ANKFN1: variants seen among roughly 807,000 people sequenced by gnomAD.
The protein encoded by ANKFN1 is ankyrin repeat and fibronectin type III domain containing 1.
ANKFN1 carries 74 observed loss-of-function variants against 108.7 expected under a neutral mutation model. That is an observed-to-expected ratio of 0.68 (90% CI 0.56 to 0.83). ANKFN1 has a LOEUF of 0.83. Ranked by LOEUF, ANKFN1 falls within the 40% of genes least tolerant of loss-of-function variation. ANKFN1 has a pLI of 0.00. For missense variants in ANKFN1, 1,505 were observed against 1,382.3 expected, an observed-to-expected ratio of 1.09 and a Z score of -1.41; for synonymous variants, 547 against 516.2, an observed-to-expected ratio of 1.06 and a Z score of -0.81.
At position 56,511,945 on chromosome 17, in the gene ANKFN1, TTC is replaced by T. The variant is rs747958027; in HGVS notation, c.*680_*681del. ...GACCACCAGAAACAAAAGTGGAGAA[TTC>T]TCTTTCAGCTCTACCTTGCAAAGAT... On this transcript the variant is annotated 3_prime_UTR_variant, in exon 21 of 21. Transcript: ENST00000682825. 8.5e-5 allele frequency among the ~76,000 whole-genome samples: 13 copies of T among 152,166 alleles called. No individual in the cohort carries two copies. Among genetic ancestry groups the T allele is most frequent in the Non-Finnish European group, 1.6e-4 (11 of 68,034 alleles).
intron 8 of ANKFN1, among the ~76,000 whole-genome samples, chr17:56,411,403 A>C (rs533927592): frequency 1.8e-4 from 27 of 152,132 alleles, no homozygotes; most frequent in Non-Finnish European, 2.9e-4. Context: ...GGACTATTTA[A>C]GATTTTCTAT....
chr17:56,181,310 T>A (rs778401186), intron 1 of ANKFN1, among the ~76,000 whole-genome samples: 4 of 152,146 alleles, frequency 2.6e-5, no homozygotes, highest in East Asian at 3.8e-4. Flanking sequence ...AAAGCTTTTT[T>A]AAAAAAAGTA....
chr17:56,363,829 A>G (rs1468359616), intron 6 of ANKFN1, among the ~76,000 whole-genome samples: 1 of 152,184 alleles, frequency 6.6e-6, no homozygotes. Context: ...CCATGCACAG[A>G]AAGACAAATG....
At chr17:56,475,536 T>A (rs2050468856) in intron 15 of ANKFN1, among the ~76,000 whole-genome samples, 1 of 152,210 alleles carries the variant, frequency 6.6e-6, no homozygotes, top group Non-Finnish European at 1.5e-5. Context: ...GACATTTCAA[T>A]GTTTGTTTTC....
intron 4 of ANKFN1, among the ~76,000 whole-genome samples, chr17:56,146,209 C>T (rs1908252449): frequency 6.6e-6 from 1 of 152,194 alleles, no homozygotes; most frequent in African/African-American, 2.4e-5. Context: ...GACAGCTCTA[C>T]CCTGTGGCTT....
intron 8 of ANKFN1, among the ~76,000 whole-genome samples, chr17:56,406,644 C>T (rs1334440436): frequency 6.6e-6 from 1 of 152,118 alleles, no homozygotes; most frequent in Non-Finnish European, 1.5e-5. Context: ...GAAAAATACA[C>T]ACATTATCCA....
chr17:56,212,235 G>T (rs1200357339), intron 1 of ANKFN1, among the ~76,000 whole-genome samples: 1 of 151,846 alleles, frequency 6.6e-6, no homozygotes, highest in Admixed American at 6.6e-5. Flanking sequence ...TTTGCTGAGG[G>T]TTTTAATTAT....
chr17:56,079,269 A>C (rs1310605005), intron 4 of ANKFN1, among the ~76,000 whole-genome samples: 3 of 152,202 alleles, frequency 2.0e-5, no homozygotes, highest in Middle Eastern at 3.2e-3. Flanking sequence ...ATAGCATCAG[A>C]AAGCACTCCC....
At chr17:56,494,702 G>A (rs1046323288) in intron 19 of ANKFN1, among the ~76,000 whole-genome samples, 1 of 152,076 alleles carries the variant, frequency 6.6e-6, no homozygotes, top group Non-Finnish European at 1.5e-5. Context: ...GAAAGAACTG[G>A]ACTAGATGAC....
At chr17:56,447,464 T>C (rs1324765851) in intron 10 of ANKFN1, among the ~76,000 whole-genome samples, 1 of 152,154 alleles carries the variant, frequency 6.6e-6, no homozygotes, top group East Asian at 1.9e-4. Context: ...GTATATGAAA[T>C]GAGCAATATA....
rs117174366 is a variant in ANKFN1, at chr17:56,287,157, C to T, written c.54-39064C>T. Among the ~76,000 whole-genome samples, 12 of 152,172 alleles carry T rather than the reference C, an allele frequency of 7.9e-5. No individual in the cohort carries two copies. In the East Asian group the frequency reaches 1.5e-3, roughly 20 times the overall value. Reference sequence around the variant, plus strand: ...ATTTTACAGGTGAGAAAGGACATACCGAGAGGTAAATAATTTACTCAAAGT... The same window carrying T: ...ATTTTACAGGTGAGAAAGGACATACTGAGAGGTAAATAATTTACTCAAAGT... On this transcript the variant is annotated intron_variant, in intron 3 of 20. Transcript: ENST00000682825.
chr17:56,284,444 C>T (rs991765248), intron 3 of ANKFN1, among the ~76,000 whole-genome samples: 1 of 152,004 alleles, frequency 6.6e-6, no homozygotes, highest in African/African-American at 2.4e-5. Flanking sequence ...CATAGTCAAT[C>T]TTCTTAAGTG....
intron 1 of ANKFN1, among the ~76,000 whole-genome samples, chr17:56,197,965 G>A (rs549956392): frequency 2.6e-5 from 4 of 152,250 alleles, no homozygotes; most frequent in South Asian, 4.1e-4. Flanking sequence ...AACCATGATC[G>A]TGCCACTGCA....
In ANKFN1 at chr17:56,100,820, G is replaced by A. The variant is rs181894495; in HGVS notation, c.288+54495G>A. Among the ~76,000 whole-genome samples, 661 of 152,208 alleles carry A rather than the reference G, an allele frequency of 4.3e-3. 5 individuals carry two copies. Among genetic ancestry groups the A allele is most frequent in the Middle Eastern group, 0.024 (7 of 294 alleles). ...AGGATGTAGTGAATTTGTCCTTTGGGGTTCCCCCAAACTTCACCTGTAGTT... is the reference window on the plus strand; with the variant it reads ...AGGATGTAGTGAATTTGTCCTTTGGAGTTCCCCCAAACTTCACCTGTAGTT... On this transcript the variant is annotated intron_variant, in intron 4 of 12. Transcript: ENST00000635860.
chr17:56,466,654 C>T, intron 15 of ANKFN1, 83 bp downstream of exon 15: 1 of 1,205,016 alleles, frequency 8.3e-7, no homozygotes, highest in Non-Finnish European at 1.2e-6. Flanking sequence ...ATTGCAAGAG[C>T]CATTTACATA....
Position 56,496,211 on chromosome 17 carries a change from C to T in ANKFN1, c.2428-2671C>T, listed in dbSNP as rs546091904. On this transcript the variant is annotated intron_variant, in intron 19 of 20. Coordinates refer to ENST00000682825, the MANE Select transcript of ANKFN1 (RefSeq NM_001370326.1). Reference sequence around the variant, plus strand: ...TTTTTCTTCAGTTAAGACCTCTTCACGTCACTGAGAAAAATTAAGAAGTAA... The same window carrying T: ...TTTTTCTTCAGTTAAGACCTCTTCATGTCACTGAGAAAAATTAAGAAGTAA... Among the ~76,000 whole-genome samples, 21 of 152,194 alleles carry T rather than the reference C, an allele frequency of 1.4e-4. No individual in the cohort carries two copies. The East Asian group carries it at 3.5e-3, about 25-fold the overall frequency.
intron 8 of ANKFN1, among the ~76,000 whole-genome samples, chr17:56,413,349 T>A (rs981970373): frequency 1.3e-5 from 2 of 152,190 alleles, no homozygotes; most frequent in African/African-American, 4.8e-5. Flanking sequence ...TTCCTAGATA[T>A]AGAATCATGT....
intron 14 of ANKFN1, among the ~76,000 whole-genome samples, chr17:56,459,476 G>A (rs2049830791): frequency 6.6e-6 from 1 of 152,118 alleles, no homozygotes; most frequent in South Asian, 2.1e-4. Context: ...AGCGGGCCAT[G>A]ATGACTGTGC....
intron 6 of ANKFN1, among the ~76,000 whole-genome samples, chr17:56,354,601 GA>G (rs932672234): frequency 4.6e-5 from 7 of 152,138 alleles, no homozygotes; most frequent in African/African-American, 1.4e-4. Context: ...ACGCTGTGAA[GA>G]AAATAAAATG....
Sources: gnomAD v4.1 joint callset for allele counts (sites outside exome capture counted in the v4.1 genomes callset) on GRCh38, gnomAD v4.1.1 for gene constraint, MANE v1.5 for transcripts, NCBI Gene and HGNC (gene_info 2026-07-23, HGNC 2026-07-21) for gene names.